Variants in ASTN2 observed in about 807,000 individuals in gnomAD.
ASTN2 encodes astrotactin 2, also known as astrotactin-2.
ASTN2 carries 54 observed loss-of-function variants against 139.8 expected under a neutral mutation model. The observed-to-expected ratio is 0.39, with a 90% CI of 0.31 to 0.48. ASTN2 has a LOEUF of 0.48. Ranked by LOEUF, ASTN2 falls within the 20% of genes least tolerant of loss-of-function variation. The pLI is 0.95. For missense variants in ASTN2, 1,565 were observed against 1,725.1 expected, an observed-to-expected ratio of 0.91 and a Z score of 1.64; for synonymous variants, 756 against 719.5, an observed-to-expected ratio of 1.05 and a Z score of -0.81.
intron 6 of ASTN2, 65 bp downstream of exon 6, chr9:117,039,754 C>A: frequency 1.3e-6 from 2 of 1,522,658 alleles, no homozygotes; most frequent in South Asian, 1.3e-5. Context: ...ACACAGAAAC[C>A]TTTGACCAGT....
intron 6 of ASTN2, among the ~76,000 whole-genome samples, chr9:117,031,453 C>G (rs544732512): frequency 6.6e-6 from 1 of 152,004 alleles, no homozygotes. Context: ...TCAGTGAAAG[C>G]CTTTTAGCGG....
intron 3 of ASTN2, among the ~76,000 whole-genome samples, chr9:117,208,060 C>T (rs1831995958): frequency 6.6e-6 from 1 of 152,052 alleles, no homozygotes; most frequent in African/African-American, 2.4e-5. Context: ...ATTTTTCTAC[C>T]ACATGCTAAG....
In ASTN2 at chr9:116,552,771, A is replaced by T. The variant is rs149730102; in HGVS notation, c.3356-65271T>A. ...AGATCCCAAGGCCTGGTGCCCTAAA[A>T]CTTGGCATCACCAGGGATGAGGTTT... On this transcript the variant is annotated intron_variant, in intron 19 of 22. Coordinates refer to ENST00000313400, the MANE Select transcript of ASTN2 (RefSeq NM_001365068.1). 3.4e-4 allele frequency among the ~76,000 whole-genome samples: 51 copies of T among 152,238 alleles called. No individual in the cohort carries two copies. In the East Asian group the frequency reaches 9.3e-3, roughly 28 times the overall value.
At chr9:117,252,531 G>A (rs1833566610) in intron 2 of ASTN2, among the ~76,000 whole-genome samples, 1 of 152,156 alleles carries the variant, frequency 6.6e-6, no homozygotes, top group Admixed American at 6.5e-5. Flanking sequence ...TCCACATGGT[G>A]CTAATGGCCC....
At chr9:117,000,119 C>A (rs954241474) in intron 7 of ASTN2, among the ~76,000 whole-genome samples, 3 of 152,076 alleles carry the variant, frequency 2.0e-5, no homozygotes, top group Non-Finnish European at 2.9e-5. Context: ...TAAGAGAAAA[C>A]CTTGTATTGG....
chr9:116,823,516 T>G (rs537552515), intron 11 of ASTN2, among the ~76,000 whole-genome samples: 1 of 152,276 alleles, frequency 6.6e-6, no homozygotes, highest in East Asian at 1.9e-4. Context: ...CCTCCTTACT[T>G]TAGAAGTGAC....
intron 3 of ASTN2, among the ~76,000 whole-genome samples, chr9:117,154,394 T>G (rs552799084): frequency 3.9e-5 from 6 of 151,902 alleles, no homozygotes; most frequent in Admixed American, 3.9e-4. Flanking sequence ...GAGAGTAACA[T>G]TTGGGGTGTA....
At chr9:116,546,822 G>T (rs550632728) in intron 19 of ASTN2, 1 of 152,016 alleles carries the variant, frequency 6.6e-6, no homozygotes, top group Admixed American at 6.6e-5. Flanking sequence ...AGAAAACTGC[G>T]ACTCTGAGAG....
At chr9:116,908,263 A>G (rs2132416197) in intron 10 of ASTN2, among the ~76,000 whole-genome samples, 1 of 152,332 alleles carries the variant, frequency 6.6e-6, no homozygotes, top group East Asian at 1.9e-4. Context: ...AGATAAGGGC[A>G]GGTTTCAGTT....
chr9:116,848,802 A>C (rs2132318751), intron 11 of ASTN2, among the ~76,000 whole-genome samples: 1 of 152,322 alleles, frequency 6.6e-6, no homozygotes, highest in Middle Eastern at 3.4e-3. Flanking sequence ...AGCAGACACC[A>C]GCTGGGTGTC....
At chr9:117,061,441 T>C (rs1204415612) in intron 5 of ASTN2, among the ~76,000 whole-genome samples, 1 of 152,180 alleles carries the variant, frequency 6.6e-6, no homozygotes, top group Non-Finnish European at 1.5e-5. Flanking sequence ...CCTTCAAAAA[T>C]CTGCTTTGCT....
intron 12 of ASTN2, among the ~76,000 whole-genome samples, chr9:116,814,035 C>G (rs1215631567): frequency 1.3e-5 from 1 of 76,136 alleles, no homozygotes; most frequent in African/African-American, 6.1e-5. Context: ...GACTCTGTCT[C>G]AAGAAAAAAA....
At chr9:117,116,742 C>T (rs1050656971) in intron 4 of ASTN2, among the ~76,000 whole-genome samples, 1 of 137,914 alleles carries the variant, frequency 7.3e-6, no homozygotes, top group African/African-American at 2.7e-5. Flanking sequence ...TGTCCTGTGG[C>T]CAGTAGAGTT....
At chr9:116,486,443 G>A (rs1297950249) in intron 20 of ASTN2, among the ~76,000 whole-genome samples, 4 of 152,210 alleles carry the variant, frequency 2.6e-5, no homozygotes, top group Non-Finnish European at 5.9e-5. Flanking sequence ...AGAAGGGCAA[G>A]AGGGAGGGAT....
At chr9:116,728,715 C>A (rs1204812860) in intron 15 of ASTN2, among the ~76,000 whole-genome samples, 1 of 152,016 alleles carries the variant, frequency 6.6e-6, no homozygotes, top group East Asian at 1.9e-4. Flanking sequence ...CCCTCCACAC[C>A]CTACTCAGAT....
At chr9:117,261,038 A>C (rs1833811091) in intron 2 of ASTN2, among the ~76,000 whole-genome samples, 1 of 152,228 alleles carries the variant, frequency 6.6e-6, no homozygotes, top group South Asian at 2.1e-4. Flanking sequence ...TATGCTCAGT[A>C]CATGTATCTG....
At position 116,805,786 on chromosome 9, in the gene ASTN2, T is replaced by C. The variant is rs376453205; in HGVS notation, c.2242A>G (p.Lys748Glu). 6.2e-7 allele frequency: 1 copy of C among 1,613,882 alleles called. No homozygotes were observed. Among genetic ancestry groups the C allele is most frequent in the African/African-American group, 1.3e-5 (1 of 75,032 alleles). The change falls in exon 13 of 23, where the codon AAA becomes GAA. Residue 748 changes from lysine to glutamate, a missense_variant. By Grantham distance (56) the Lys-to-Glu change is moderately conservative (BLOSUM62 1). Coordinates refer to ENST00000313400, the MANE Select transcript of ASTN2 (RefSeq NM_001365068.1). ...VEEYKLAPDGKSCLMLSDVCE... is the reference protein window; with the variant it reads ...VEEYKLAPDGESCLMLSDVCE... Reference sequence around the variant, plus strand: ...ACATCTGAGAGCATTAAGCAGGATTTTCCATCAGGAGCCAGTTTGTACTCC... The same window carrying C: ...ACATCTGAGAGCATTAAGCAGGATTCTCCATCAGGAGCCAGTTTGTACTCC...
chr9:117,317,710 C>T (rs750240153), intron 1 of ASTN2, among the ~76,000 whole-genome samples: 5 of 152,162 alleles, frequency 3.3e-5, no homozygotes, highest in Admixed American at 6.5e-5. Flanking sequence ...ACCACACTTC[C>T]ATCCATCACC....
chr9:117,058,486 C>A (rs1839134270), intron 5 of ASTN2, among the ~76,000 whole-genome samples: 1 of 152,174 alleles, frequency 6.6e-6, no homozygotes, highest in Non-Finnish European at 1.5e-5. Context: ...AGTTACTATG[C>A]CCATTTTACA....
Sources: gnomAD v4.1 joint callset for allele counts (sites outside exome capture counted in the v4.1 genomes callset) on GRCh38, gnomAD v4.1.1 for gene constraint, MANE v1.5 for transcripts, NCBI Gene and HGNC (gene_info 2026-07-23, HGNC 2026-07-21) for gene names.